GUCY1B1: variants seen among roughly 807,000 people sequenced by gnomAD.
The protein encoded by GUCY1B1 is guanylate cyclase 1 soluble subunit beta 1.
In GUCY1B1, 43 loss-of-function variants were observed where a neutral mutation model predicts 71.0. That is an observed-to-expected ratio of 0.61 (90% CI 0.47 to 0.78). The LOEUF is 0.78. GUCY1B1 is among the 30% of genes least tolerant of loss of function. The probability of loss-of-function intolerance (pLI) is 0.00; values close to 1 mark genes in which losing one functional copy is unlikely to be tolerated. For synonymous variants in GUCY1B1, 266 were observed against 259.7 expected (o/e 1.02, Z -0.23); for missense variants, 535 against 754.1 (o/e 0.71, Z 3.40).
intron 5 of GUCY1B1, among the ~76,000 whole-genome samples, chr4:155,792,278 T>G (rs1216027370): frequency 6.6e-6 from 1 of 152,136 alleles, no homozygotes; most frequent in East Asian, 1.9e-4. Flanking sequence ...AGCTATTTGT[T>G]TTGCCAGTTT....
chr4:155,767,587 T>C (rs1737420482), intron 2 of GUCY1B1, among the ~76,000 whole-genome samples: 1 of 152,128 alleles, frequency 6.6e-6, no homozygotes. Context: ...TATTTATTGT[T>C]ACTGTTTACA....
At chr4:155,778,891 G>A (rs1738233946) in intron 4 of GUCY1B1, among the ~76,000 whole-genome samples, 2 of 151,648 alleles carry the variant, frequency 1.3e-5, no homozygotes, top group Admixed American at 1.3e-4. Context: ...TCAACTTTCA[G>A]TTGTTCTGAC....
intron 8 of GUCY1B1, among the ~76,000 whole-genome samples, chr4:155,797,811 C>T (rs1739666234): frequency 6.7e-6 from 1 of 150,304 alleles, no homozygotes; most frequent in Non-Finnish European, 1.5e-5. Flanking sequence ...TATTATTTAA[C>T]TATGACATAT....
At chr4:155,789,288 TTAAG>T (rs1156628341) in intron 4 of GUCY1B1, among the ~76,000 whole-genome samples, 1 of 152,224 alleles carries the variant, frequency 6.6e-6, no homozygotes, top group Non-Finnish European at 1.5e-5. Context: ...GAGTTGACAA[TTAAG>T]TTTTAGAATT....
At position 155,804,670 on chromosome 4, in the gene GUCY1B1, G is replaced by A. The variant is rs529833705; in HGVS notation, c.1632G>A (p.Gly544=). 3 of 1,613,084 alleles carry A rather than the reference G, an allele frequency of 1.9e-6. No homozygotes were observed. The South Asian group carries it at 3.3e-5, about 18-fold the overall frequency. Residue 544 remains glycine, a synonymous_variant, in exon 12 of 14, where the codon GGG becomes GGA. Coordinates refer to ENST00000264424, the MANE Select transcript of GUCY1B1 (RefSeq NM_000857.5). The stretch of plus-strand genomic sequence containing the variant: ...GGATGCCTCGATACTGTCTTTTTGG[G>A]AATACTGTCAACCTCACAAGCCGAA... The part of the protein sequence containing the change: ...GQRMPRYCLF[G]NTVNLTSRTE...
At chr4:155,761,516 T>C (rs1429218382) in intron 2 of GUCY1B1, among the ~76,000 whole-genome samples, 1 of 152,198 alleles carries the variant, frequency 6.6e-6, no homozygotes, top group Non-Finnish European at 1.5e-5. Context: ...CAGATTTAGA[T>C]TGTATATCCT....
intron 5 of GUCY1B1, among the ~76,000 whole-genome samples, chr4:155,793,643 G>T (rs1185286604): frequency 2.0e-5 from 3 of 151,982 alleles, no homozygotes; most frequent in African/African-American, 7.3e-5. Context: ...TACCAGATTT[G>T]TAATTTTACA....
intron 2 of GUCY1B1, among the ~76,000 whole-genome samples, chr4:155,760,508 C>G (rs1736930416): frequency 7.4e-6 from 1 of 134,584 alleles, no homozygotes; most frequent in Non-Finnish European, 1.5e-5. Flanking sequence ...TACTTTCAGT[C>G]CTGGAGCTTT....
chr4:155,780,572 A>G (rs760020186), intron 4 of GUCY1B1, among the ~76,000 whole-genome samples: 2 of 152,182 alleles, frequency 1.3e-5, no homozygotes, highest in African/African-American at 4.8e-5. Flanking sequence ...TAATGTTTGT[A>G]CCTTCACAGA....
chr4:155,802,611 A>G lies in GUCY1B1; in HGVS notation c.1413+32A>G. The G allele has an allele frequency of 6.6e-7, 1 of 1,512,290 alleles. No individual in the cohort carries two copies. The highest frequency in any genetic ancestry group is 2.4e-5 in the East Asian group (1 of 41,870). The allele number at this position is 1,512,290 out of a possible 1,614,324, so 93.7% of individuals were successfully genotyped here. A position where few individuals can be genotyped will look rare whatever the true frequency, so the allele number is the denominator to read the frequency against. On this transcript the variant is annotated intron_variant, in intron 10 of 13. Coordinates refer to ENST00000264424, the MANE Select transcript of GUCY1B1 (RefSeq NM_000857.5). The surrounding 1 kb of genome is among the most constrained non-coding windows in gnomAD (Gnocchi z 4.3). ...GTTCTTTATCGCTGACTGCAGAGCTATCCAGAGGCTGGCGTTCTGAGACTC... is the reference window on the plus strand; with the variant it reads ...GTTCTTTATCGCTGACTGCAGAGCTGTCCAGAGGCTGGCGTTCTGAGACTC...
chr4:155,775,962 C>T (rs1738016658), intron 3 of GUCY1B1, among the ~76,000 whole-genome samples: 1 of 152,122 alleles, frequency 6.6e-6, no homozygotes. Flanking sequence ...AAAGCAAACA[C>T]TATCTATAGT....
chr4:155,789,305 AGT>A (rs1739001468), intron 4 of GUCY1B1, among the ~76,000 whole-genome samples: 2 of 152,244 alleles, frequency 1.3e-5, no homozygotes, highest in East Asian at 3.8e-4. Context: ...TTAGAATTGC[AGT>A]ATAAACAGAA....
intron 8 of GUCY1B1, among the ~76,000 whole-genome samples, chr4:155,798,191 T>C (rs1350664557): frequency 6.6e-6 from 1 of 152,236 alleles, no homozygotes; most frequent in Admixed American, 6.5e-5. Context: ...TAGGAAGATT[T>C]GTACTCACAC....
intron 2 of GUCY1B1, among the ~76,000 whole-genome samples, chr4:155,762,502 C>T (rs1236867787): frequency 6.6e-6 from 1 of 152,072 alleles, no homozygotes; most frequent in Non-Finnish European, 1.5e-5. Context: ...CATTTAATGA[C>T]AAATAAAACC....
In GUCY1B1 at chr4:155,806,466, C is replaced by A; in HGVS notation, c.*57C>A. 1 of 1,209,188 alleles carries A rather than the reference C, an allele frequency of 8.3e-7. No homozygotes were observed. Among genetic ancestry groups the A allele is most frequent in the Non-Finnish European group, 1.2e-6 (1 of 814,758 alleles). The allele number at this position is 1,209,188 out of a possible 1,614,324, so 74.9% of individuals were successfully genotyped here. A position where few individuals can be genotyped will look rare whatever the true frequency, so the allele number is the denominator to read the frequency against. On this transcript the variant is annotated 3_prime_UTR_variant, in exon 14 of 14. Transcript: ENST00000264424. ...ACTAGGTTCCAGTTTTCTCCTAACACGTGCCAAGCCCAGGAGCAGTTCTTC... is the reference window on the plus strand; with the variant it reads ...ACTAGGTTCCAGTTTTCTCCTAACAAGTGCCAAGCCCAGGAGCAGTTCTTC...
intron 4 of GUCY1B1, among the ~76,000 whole-genome samples, chr4:155,778,124 C>T (rs548132202): frequency 2.6e-5 from 4 of 152,198 alleles, no homozygotes; most frequent in Admixed American, 2.6e-4. Flanking sequence ...GTTCTGTCAC[C>T]AAAACATACT....
intron 5 of GUCY1B1, among the ~76,000 whole-genome samples, chr4:155,791,524 A>G (rs1316868010): frequency 6.7e-6 from 1 of 148,780 alleles, no homozygotes; most frequent in Non-Finnish European, 1.5e-5. Context: ...AGGTCAGGAG[A>G]TTGAGACCAT....
chr4:155,802,270 A>G lies in GUCY1B1; in HGVS notation c.1176-72A>G, dbSNP rs770796246. 5 of 1,592,488 alleles carry G rather than the reference A, an allele frequency of 3.1e-6. No individual in the cohort carries two copies. In the Admixed American group the frequency reaches 7.0e-5, roughly 22 times the overall value. ...TACAAACGACACTGATGCTGTGTGA[A>G]AAGGACAGCAGAAGCACTAAAGGCT... On this transcript the variant is annotated intron_variant, in intron 9 of 13. Transcript: ENST00000264424. This position sits in a 1 kb window ranked among gnomAD's most constrained non-coding sequence, Gnocchi z 4.3.
At chr4:155,797,733 C>CT (rs1448090431) in intron 8 of GUCY1B1, among the ~76,000 whole-genome samples, 2 of 66,420 alleles carry the variant, frequency 3.0e-5, no homozygotes, top group Non-Finnish European at 6.4e-5. Flanking sequence ...GACACTGTCT[C>CT]AAAATAATAA....
Sources: allele counts gnomAD v4.1 joint callset (sites outside exome capture counted in the v4.1 genomes callset), GRCh38; gene constraint gnomAD v4.1.1; non-coding constraint Gnocchi (gnomAD v3.1); transcripts MANE v1.5; gene names NCBI Gene and HGNC (gene_info 2026-07-23, HGNC 2026-07-21).